FAM124B: variants seen among roughly 807,000 people sequenced by gnomAD.
FAM124B encodes protein FAM124B.
Under a neutral mutation model 19.7 loss-of-function variants are expected in FAM124B, and 18 were observed. That is an observed-to-expected ratio of 0.92 (90% CI 0.63 to 1.36). The LOEUF is 1.36. FAM124B is among the 40% of genes most tolerant of loss of function. The pLI, the probability that FAM124B is intolerant of heterozygous loss-of-function variation, is 0.00. For missense variants in FAM124B, 540 were observed against 553.3 expected (o/e 0.98, Z 0.24); for synonymous variants, 223 against 225.2 (o/e 0.99, Z 0.09).
intron 1 of FAM124B, among the ~76,000 whole-genome samples, chr2:224,386,032 G>A (rs573027803): frequency 6.6e-6 from 1 of 152,122 alleles, no homozygotes; most frequent in East Asian, 1.9e-4. Flanking sequence ...CTTCAGTGAC[G>A]CCCTACTCTT....
At chr2:224,383,312 G>A (rs571715792) in intron 1 of FAM124B, among the ~76,000 whole-genome samples, 4 of 152,188 alleles carry the variant, frequency 2.6e-5, no homozygotes, top group African/African-American at 4.8e-5. Context: ...GTTAACTTGC[G>A]GTCGTTGTGA....
In FAM124B at chr2:224,379,820, G is replaced by A. The variant is rs1484552501; in HGVS notation, c.1121C>T (p.Pro374Leu). ...DTGLTIINSE[P>L]RQTYFGGFPR... ...AAATCCGCCAAAATAAGTCTGCCTG[G>A]GTTCAGAATTTATGATGGTCAAGCC... The change falls in exon 2 of 2, where the codon CCC becomes CTC. Residue 374 changes from proline (P) to leucine (L), a missense_variant. By Grantham distance (98) the Pro-to-Leu change is moderately conservative (BLOSUM62 -3). Coordinates refer to ENST00000409685, the MANE Select transcript of FAM124B (RefSeq NM_001122779.2). The A allele has an allele frequency of 1.3e-6, 2 of 1,551,720 alleles. No homozygotes were observed. Among genetic ancestry groups the A allele is most frequent in the Non-Finnish European group, 1.7e-6 (2 of 1,147,040 alleles).
In FAM124B at chr2:224,379,486, C is replaced by A; in HGVS notation, c.*87G>T. 6.9e-7 allele frequency: 1 copy of A among 1,445,532 alleles called. No individual in the cohort carries two copies. Among genetic ancestry groups the A allele is most frequent in the South Asian group, 1.5e-5 (1 of 65,968 alleles). 89.5% of individuals were successfully genotyped at this position (1,445,532 alleles called of 1,614,324 possible). On this transcript the variant is annotated 3_prime_UTR_variant, in exon 2 of 2. Coordinates refer to ENST00000409685, the MANE Select transcript of FAM124B (RefSeq NM_001122779.2). ...GAGCATTCAGCCCCCCTCAGATGAA[C>A]AACTAACAGGCTGATTCTGGGTCAG...
chr2:224,401,694 C>A lies in FAM124B; in HGVS notation c.75G>T (p.Gln25His), dbSNP rs370920126. Residue 25 changes from glutamine to histidine, a missense_variant, in exon 1 of 2, where the codon CAG (glutamine) becomes CAT (histidine). By Grantham distance (24) the Gln-to-His change is conservative. Coordinates refer to ENST00000409685, the MANE Select transcript of FAM124B (RefSeq NM_001122779.2). ...AATCCAGGAGCTGGTCCAGAGTCCT[C>A]TGCAGAAGGGAGCCGTGCCCAGAGT... is the stretch of plus-strand genomic sequence containing the variant. ...LANSGHGSLL[Q>H]RTLDQLLDCI... 3.1e-6 allele frequency: 5 copies of A among 1,614,194 alleles called. No individual in the cohort carries two copies. Among genetic ancestry groups the A allele is most frequent in the Non-Finnish European group, 3.4e-6 (4 of 1,180,040 alleles).
chr2:224,391,694 G>T (rs1230714277), intron 1 of FAM124B, among the ~76,000 whole-genome samples: 2 of 152,168 alleles, frequency 1.3e-5, no homozygotes, highest in African/African-American at 2.4e-5. Context: ...TTAAAAGCTT[G>T]AACTTTGGAG....
rs747765563 is a variant in FAM124B, at chr2:224,401,588, G to A, written c.181C>T (p.Arg61Trp). ...VKYCEKSHSK[R>W]SRFPGMSVLL... Reference sequence around the variant, plus strand: ...ACGGACATCCCTGGAAACCGGGACCGCTTGGAATGGGACTTTTCACAGTAT... The same window carrying A: ...ACGGACATCCCTGGAAACCGGGACCACTTGGAATGGGACTTTTCACAGTAT... The change falls in exon 1 of 2, where the codon CGG becomes TGG. Residue 61 changes from arginine to tryptophan, a missense_variant. Physicochemically the swap from Arg to Trp is moderately radical, Grantham distance 101 (BLOSUM62 -3). Coordinates refer to ENST00000409685, the MANE Select transcript of FAM124B (RefSeq NM_001122779.2). 3.1e-6 allele frequency: 5 copies of A among 1,614,182 alleles called. No homozygotes were observed. Among genetic ancestry groups the A allele is most frequent in the South Asian group, 1.1e-5 (1 of 91,074 alleles).
At chr2:224,387,126 G>C (rs568945998) in intron 1 of FAM124B, among the ~76,000 whole-genome samples, 3 of 152,342 alleles carry the variant, frequency 2.0e-5, no homozygotes, top group African/African-American at 7.2e-5. Flanking sequence ...AATCCCTTCA[G>C]GGAGAATTAA....
At chr2:224,400,080 A>G (rs575412452) in intron 1 of FAM124B, 1 of 166,736 alleles carries the variant, frequency 6.0e-6, no homozygotes, top group African/African-American at 2.4e-5. Context: ...TTTAATTTCA[A>G]GTTTTTTTAA....
intron 1 of FAM124B, among the ~76,000 whole-genome samples, chr2:224,389,175 G>C (rs903068095): frequency 2.6e-5 from 4 of 151,992 alleles, no homozygotes; most frequent in African/African-American, 9.7e-5. Context: ...CAAGTGATCC[G>C]CCTGCCTCGG....
chr2:224,400,933 G>A (rs982281831), intron 1 of FAM124B, 104 bp downstream of exon 1: 23 of 1,410,362 alleles, frequency 1.6e-5, no homozygotes, highest in East Asian at 4.6e-5. Flanking sequence ...CCTAAGGGAC[G>A]CTAATATGCA....
chr2:224,398,899 C>T (rs1017650135), intron 1 of FAM124B, among the ~76,000 whole-genome samples: 4 of 152,196 alleles, frequency 2.6e-5, no homozygotes, highest in Non-Finnish European at 5.9e-5. Context: ...ATTGCTTGAA[C>T]CCGGGAGGCA....
At chr2:224,393,007 G>A (rs572675103) in intron 1 of FAM124B, among the ~76,000 whole-genome samples, 7 of 152,290 alleles carry the variant, frequency 4.6e-5, no homozygotes, top group South Asian at 4.2e-4. Flanking sequence ...AATGGCCACC[G>A]TATCGAATAG....
intron 1 of FAM124B, among the ~76,000 whole-genome samples, chr2:224,394,850 G>A (rs1315087918): frequency 6.6e-6 from 1 of 152,184 alleles, no homozygotes; most frequent in Non-Finnish European, 1.5e-5. Flanking sequence ...GGTGGCTGCA[G>A]CTCTACAGTG....
Position 224,401,780 on chromosome 2 carries a change from C to G in FAM124B, c.-12G>C, listed in dbSNP as rs763876437. 1 of 1,602,072 alleles carries G rather than the reference C, an allele frequency of 6.2e-7. No individual in the cohort carries two copies. Among genetic ancestry groups the G allele is most frequent in the African/African-American group, 1.3e-5 (1 of 74,494 alleles). ...TGTGTCTCATCCATGGAGGAACTGCCTGAGGCTGACAAAGACAGCGTGTGT... is the reference window on the plus strand; with the variant it reads ...TGTGTCTCATCCATGGAGGAACTGCGTGAGGCTGACAAAGACAGCGTGTGT... On this transcript the variant is annotated 5_prime_UTR_variant, in exon 1 of 2. Transcript: ENST00000409685.
chr2:224,401,411 C>CT lies in FAM124B; in HGVS notation c.357_358insA (p.Asp120ArgfsTer28), dbSNP rs764920776. On this transcript the variant is annotated frameshift_variant, in exon 1 of 2. Coordinates refer to ENST00000409685, the MANE Select transcript of FAM124B (RefSeq NM_001122779.2). LOFTEE classifies it high-confidence loss of function. Reference sequence around the variant, plus strand: ...ACCCCCCAGATGGGCAGCTGACTGTCCAGGCTGTAGAACTCCTGATTGGCA... The same window carrying CT: ...ACCCCCCAGATGGGCAGCTGACTGTCTCAGGCTGTAGAACTCCTGATTGGCA... The CT allele has an allele frequency of 6.2e-7, 1 of 1,614,062 alleles. No homozygotes were observed. The highest frequency in any genetic ancestry group is 8.5e-7 in the Non-Finnish European group (1 of 1,180,014).
At chr2:224,382,292 C>A (rs1190790909) in intron 1 of FAM124B, among the ~76,000 whole-genome samples, 1 of 151,854 alleles carries the variant, frequency 6.6e-6, no homozygotes, top group African/African-American at 2.4e-5. Context: ...AAATTTGAAT[C>A]TCATATTTTT....
At position 224,379,750 on chromosome 2, in the gene FAM124B, G is replaced by A. The variant is rs1689682223; in HGVS notation, c.1191C>T (p.Ala397=). 2 of 1,551,678 alleles carry A rather than the reference G, an allele frequency of 1.3e-6. No homozygotes were observed. Among genetic ancestry groups the A allele is most frequent in the Non-Finnish European group, 1.7e-6 (2 of 1,146,988 alleles). The change falls in exon 2 of 2, where the codon GCC becomes GCT. Residue 397 remains alanine, a synonymous_variant. Coordinates refer to ENST00000409685, the MANE Select transcript of FAM124B (RefSeq NM_001122779.2). The part of the protein sequence containing the change: ...QTSQPPFCLP[A]SSLGVATSKN... ...TGGAGGTAGCCACCCCCAAGGAAGA[G>A]GCTGGCAAGCAGAATGGTGGCTGGC...
Position 224,401,982 on chromosome 2 carries a change from C to T in FAM124B, c.-214G>A. 1.8e-6 allele frequency: 1 copy of T among 553,590 alleles called. No homozygotes were observed. The highest frequency in any genetic ancestry group is 2.7e-5 in the South Asian group (1 of 37,734). 34.3% of individuals were successfully genotyped at this position (553,590 alleles called of 1,614,324 possible). ...GAAGCTCACACCAGCTCGGGTTCAG[C>T]AGCCTCCCTCTCCACACAGCAGCAG... On this transcript the variant is annotated 5_prime_UTR_variant, in exon 1 of 2. Coordinates refer to ENST00000409685, the MANE Select transcript of FAM124B (RefSeq NM_001122779.2).
chr2:224,388,373 C>T (rs900945535), intron 1 of FAM124B, among the ~76,000 whole-genome samples: 2 of 152,046 alleles, frequency 1.3e-5, no homozygotes, highest in African/African-American at 2.4e-5. Flanking sequence ...ATAAACATAC[C>T]GTGGAATAGT....
Sources: gnomAD v4.1 joint callset for allele counts (sites outside exome capture counted in the v4.1 genomes callset) on GRCh38, gnomAD v4.1.1 for gene constraint, MANE v1.5 for transcripts, NCBI Gene and HGNC (gene_info 2026-07-23, HGNC 2026-07-21) for gene names.